Variants in SP140 observed in about 807,000 individuals in gnomAD.
SP140 encodes the protein SP140 nuclear body protein, also known as nuclear body protein SP140.
In SP140, 81 loss-of-function variants were observed where a neutral mutation model predicts 125.0. The observed-to-expected ratio is 0.65, with a 90% CI of 0.54 to 0.78. The LOEUF (loss-of-function observed/expected upper bound fraction) is 0.78, where lower values mean the gene tolerates loss of function less well. Ranked by LOEUF, SP140 falls within the 30% of genes least tolerant of loss-of-function variation. The pLI, the probability that SP140 is intolerant of heterozygous loss-of-function variation, is 0.00. For missense variants in SP140, 858 were observed against 1,037.0 expected (o/e 0.83, Z 2.37); for synonymous variants, 312 against 354.0 (o/e 0.88, Z 1.33).
intron 12 of SP140, among the ~76,000 whole-genome samples, chr2:230,262,037 C>T (rs1014456883): frequency 6.6e-6 from 1 of 152,152 alleles, no homozygotes; most frequent in Non-Finnish European, 1.5e-5. Context: ...GGTACCAATT[C>T]TTTGACTGTC....
intron 15 of SP140, among the ~76,000 whole-genome samples, chr2:230,277,271 C>A (rs1483804599): frequency 6.6e-6 from 1 of 152,132 alleles, no homozygotes; most frequent in African/African-American, 2.4e-5. Context: ...CCTAGTCAGT[C>A]AGTAGCCACC....
At chr2:230,289,706 G>A (rs988849632) in intron 18 of SP140, among the ~76,000 whole-genome samples, 9 of 152,066 alleles carry the variant, frequency 5.9e-5, no homozygotes, top group Admixed American at 3.9e-4. Flanking sequence ...AACTCCTGAC[G>A]TCAAGTGATC....
At chr2:230,274,369 T>G (rs1312831989) in intron 15 of SP140, among the ~76,000 whole-genome samples, 2 of 152,180 alleles carry the variant, frequency 1.3e-5, no homozygotes, top group Non-Finnish European at 2.9e-5. Flanking sequence ...GCCACTAAAG[T>G]CAGAGAACAT....
chr2:230,313,902 T>C, downstream of SP140, among the ~76,000 whole-genome samples: 1 of 152,112 alleles, frequency 6.6e-6, no homozygotes, highest in East Asian at 1.9e-4. Flanking sequence ...CTATAAGAAG[T>C]ATGGGTTTTG....
chr2:230,250,959 G>A (rs367939763), intron 9 of SP140, 22 bp from the exon 10 acceptor site: 1 of 1,612,394 alleles, frequency 6.2e-7, no homozygotes, highest in Non-Finnish European at 8.5e-7. Flanking sequence ...AATTTCTTGA[G>A]GGATTTCTTT....
Position 230,287,963 on chromosome 2 carries a change from A to C in SP140, c.1717A>C (p.Arg573=). 1.2e-6 allele frequency: 2 copies of C among 1,610,906 alleles called. No individual in the cohort carries two copies. Among genetic ancestry groups the C allele is most frequent in the Non-Finnish European group, 1.7e-6 (2 of 1,178,904 alleles). ...DRAAQKRVRS[R]ASRKHKDETV... is the part of the protein sequence containing the mutation. ...AGCTGCACAGAAAAGAGTCCGATCA[A>C]GAGGTAAAAAAGAAAACAGGAATGA... Residue 573 remains arginine (R), a synonymous_variant, in exon 18 of 27, where the codon AGA becomes CGA. Transcript: ENST00000392045.
chr2:230,245,384 G>A (rs2049286682), intron 6 of SP140, among the ~76,000 whole-genome samples: 3 of 152,178 alleles, frequency 2.0e-5, no homozygotes, highest in Admixed American at 1.3e-4. Flanking sequence ...ATCCTACCAG[G>A]ATGGGGTTTG....
chr2:230,298,210 C>T (rs1257421527), intron 22 of SP140, among the ~76,000 whole-genome samples: 2 of 152,192 alleles, frequency 1.3e-5, no homozygotes, highest in Non-Finnish European at 2.9e-5. Context: ...CTGCCAAAAT[C>T]ATGGATGAGT....
At chr2:230,236,423 A>T (rs888771060) in intron 1 of SP140, among the ~76,000 whole-genome samples, 2 of 152,204 alleles carry the variant, frequency 1.3e-5, no homozygotes, top group Non-Finnish European at 2.9e-5. Flanking sequence ...AACCAATAGG[A>T]TGTGTATATA....
chr2:230,234,350 C>G (rs1187901260), intron 1 of SP140, among the ~76,000 whole-genome samples: 1 of 152,128 alleles, frequency 6.6e-6, no homozygotes, highest in African/African-American at 2.4e-5. Flanking sequence ...CAGAGTGATA[C>G]CCATTGCTCC....
At chr2:230,307,955 G>GTATATATATATATATATATATATATA (rs60233854) in intron 22 of SP140, among the ~76,000 whole-genome samples, 10 of 48,430 alleles carry the variant, frequency 2.1e-4, no homozygotes, top group Non-Finnish European at 4.5e-4. Flanking sequence ...GGACATGCAT[G>GTATATATATATATATATATATATATA]TATATATATA....
chr2:230,292,531 C>A (rs964349562), intron 19 of SP140, 115 bp from the exon 20 acceptor site: 3 of 1,372,286 alleles, frequency 2.2e-6, no homozygotes, highest in African/African-American at 1.4e-5. Context: ...GCCAGACTCT[C>A]CTGCTATTGA....
intron 12 of SP140, among the ~76,000 whole-genome samples, chr2:230,255,851 A>G (rs182577698): frequency 4.1e-4 from 63 of 152,206 alleles, no homozygotes; most frequent in African/African-American, 1.4e-3. Flanking sequence ...TCAATACTAC[A>G]GTATTAAAAT....
intron 3 of SP140, among the ~76,000 whole-genome samples, chr2:230,214,650 C>T (rs2044895998): frequency 6.6e-6 from 1 of 152,182 alleles, no homozygotes; most frequent in Admixed American, 6.5e-5. Flanking sequence ...TGTAACTTTG[C>T]ATTTCTGTCA....
At chr2:230,260,100 A>G (rs914248909) in intron 12 of SP140, among the ~76,000 whole-genome samples, 15 of 152,016 alleles carry the variant, frequency 9.9e-5, no homozygotes, top group African/African-American at 3.6e-4. Context: ...CCATGCCAGC[A>G]TCTACTGTTT....
intron 1 of SP140, among the ~76,000 whole-genome samples, chr2:230,236,556 G>A (rs2048041206): frequency 1.3e-5 from 2 of 152,208 alleles, no homozygotes; most frequent in South Asian, 4.1e-4. Context: ...GCTCCAGTCT[G>A]AATGCAGTCT....
intron 19 of SP140, among the ~76,000 whole-genome samples, chr2:230,291,399 A>G (rs1309695115): frequency 2.6e-5 from 4 of 152,212 alleles, no homozygotes; most frequent in Admixed American, 1.3e-4. Context: ...TTTGTTCCCC[A>G]CTGAAAGAAA....
rs1416643962 is a variant in SP140, at chr2:230,211,206, G to C, written c.-322-2448G>C. On this transcript the variant is annotated intron_variant, in intron 1 of 4. Coordinates refer to the SP140 transcript ENST00000456542. The surrounding 1 kb of genome is among the most constrained non-coding windows in gnomAD (Gnocchi z 4.2). ...AGTCCAAACCTACAGGCACTGGTGG[G>C]GCTCTGTCCATCATCATCCGTGGCC... is the stretch of plus-strand genomic sequence containing the variant. Among the ~76,000 whole-genome samples, 1 of 152,086 alleles carries C rather than the reference G, an allele frequency of 6.6e-6. No homozygotes were observed. The highest frequency in any genetic ancestry group is 1.5e-5 in the Non-Finnish European group (1 of 68,014).
chr2:230,199,205 CTTTT>C (rs35807015), upstream of SP140, among the ~76,000 whole-genome samples: 3 of 89,464 alleles, frequency 3.4e-5, no homozygotes, highest in Admixed American at 1.5e-4. Context: ...ACATAATCCT[CTTTT>C]TTTTTTTTTT....
Sources: allele counts gnomAD v4.1 joint callset (sites outside exome capture counted in the v4.1 genomes callset), GRCh38; gene constraint gnomAD v4.1.1; non-coding constraint Gnocchi (gnomAD v3.1); transcripts MANE v1.5; gene names NCBI Gene and HGNC (gene_info 2026-07-23, HGNC 2026-07-21).